TMEM132D: variants seen among roughly 807,000 people sequenced by gnomAD.
TMEM132D encodes transmembrane protein 132D.
TMEM132D carries 21 observed loss-of-function variants against 62.3 expected under a neutral mutation model. That is an observed-to-expected ratio of 0.34 (90% CI 0.24 to 0.49). The LOEUF (loss-of-function observed/expected upper bound fraction) is 0.49. Ranked by LOEUF, TMEM132D falls within the 20% of genes least tolerant of loss-of-function variation. The pLI, the probability that TMEM132D is intolerant of heterozygous loss-of-function variation, is 0.99. For synonymous variants in TMEM132D, 621 were observed against 575.6 expected (o/e 1.08, Z -1.13); for missense variants, 1,346 against 1,402.8 (o/e 0.96, Z 0.65).
intron 1 of TMEM132D, among the ~76,000 whole-genome samples, chr12:129,837,848 T>C (rs1202157121): frequency 2.0e-5 from 3 of 152,120 alleles, no homozygotes; most frequent in African/African-American, 7.2e-5. Flanking sequence ...CACCTGCAAA[T>C]GAAAAAGTCA....
At chr12:129,234,525 A>C (rs571978036) in intron 4 of TMEM132D, among the ~76,000 whole-genome samples, 4 of 152,202 alleles carry the variant, frequency 2.6e-5, no homozygotes, top group Non-Finnish European at 5.9e-5. Context: ...TGAAAAAGCT[A>C]CGTTTCTCCA....
chr12:129,265,969 C>T (rs1054840270), intron 4 of TMEM132D, among the ~76,000 whole-genome samples: 1 of 152,140 alleles, frequency 6.6e-6, no homozygotes, highest in Non-Finnish European at 1.5e-5. Context: ...TTGTCTGTTA[C>T]ATTTACTGCC....
At chr12:129,795,083 T>G (rs908353909) in intron 1 of TMEM132D, among the ~76,000 whole-genome samples, 1 of 152,220 alleles carries the variant, frequency 6.6e-6, no homozygotes, top group African/African-American at 2.4e-5. Flanking sequence ...GACTATTTCA[T>G]AGTGTTCTTC....
intron 5 of TMEM132D, among the ~76,000 whole-genome samples, chr12:129,117,673 A>C (rs1875936317): frequency 6.6e-6 from 1 of 152,160 alleles, no homozygotes; most frequent in Non-Finnish European, 1.5e-5. Flanking sequence ...CTAACTCAAA[A>C]AGACCATTTG....
chr12:129,485,238 A>C (rs1172337234), intron 3 of TMEM132D, among the ~76,000 whole-genome samples: 2 of 152,156 alleles, frequency 1.3e-5, no homozygotes, highest in African/African-American at 4.8e-5. Flanking sequence ...TACCTCAGAC[A>C]ACCCAACAGG....
chr12:129,295,562 C>A (rs999025552), intron 4 of TMEM132D, among the ~76,000 whole-genome samples: 15 of 151,234 alleles, frequency 9.9e-5, no homozygotes, highest in African/African-American at 3.6e-4. Flanking sequence ...TCCCAAGTAG[C>A]TGAGTTTACA....
intron 2 of TMEM132D, among the ~76,000 whole-genome samples, chr12:129,593,584 T>C (rs2137136899): frequency 6.6e-6 from 1 of 152,304 alleles, no homozygotes; most frequent in East Asian, 1.9e-4. Flanking sequence ...AGAAAATTCT[T>C]GATGACAAAC....
chr12:129,174,149 T>C (rs1877829979), intron 5 of TMEM132D, among the ~76,000 whole-genome samples: 2 of 152,202 alleles, frequency 1.3e-5, no homozygotes, highest in Non-Finnish European at 2.9e-5. Context: ...GTGCAGAACA[T>C]GCAGGTTTGT....
intron 4 of TMEM132D, among the ~76,000 whole-genome samples, chr12:129,263,613 C>G (rs1293081187): frequency 6.6e-6 from 1 of 151,866 alleles, no homozygotes. Context: ...TAAATCGCAT[C>G]TTGAAGGATG....
chr12:129,777,123 G>C (rs1870965021), intron 1 of TMEM132D, among the ~76,000 whole-genome samples: 2 of 152,216 alleles, frequency 1.3e-5, no homozygotes, highest in Non-Finnish European at 2.9e-5. Context: ...AGTGCCACTT[G>C]TGATGTTTGT....
At chr12:129,084,371 G>T in intron 6 of TMEM132D, 126 bp downstream of exon 6, 1 of 944,856 alleles carries the variant, frequency 1.1e-6, no homozygotes, top group Non-Finnish European at 1.5e-6. Context: ...GCAAATCCAA[G>T]CTGAGCGGTG....
chr12:129,473,324 GTTTTTT>G (rs751523415), intron 3 of TMEM132D, among the ~76,000 whole-genome samples: 1 of 81,550 alleles, frequency 1.2e-5, no homozygotes, highest in Non-Finnish European at 2.2e-5. Flanking sequence ...TTTAGTTTTT[GTTTTTT>G]TTTTTTTTTT....
Position 129,651,047 on chromosome 12 carries a change from T to C in TMEM132D, c.968+48763A>G, listed in dbSNP as rs146136900. Reference sequence around the variant, plus strand: ...ATAAGCATCTGACTGTGGTGTTCCTTATCTATTTATCAATCCCGGGTAATG... The same window carrying C: ...ATAAGCATCTGACTGTGGTGTTCCTCATCTATTTATCAATCCCGGGTAATG... On this transcript the variant is annotated intron_variant, in intron 2 of 8. Coordinates refer to ENST00000422113, the MANE Select transcript of TMEM132D (RefSeq NM_133448.3). Among the ~76,000 whole-genome samples the C allele has an allele frequency of 4.7e-3, 711 of 152,334 alleles. 4 individuals carry two copies. The highest frequency in any genetic ancestry group is 0.016 in the African/African-American group (675 of 41,572).
At chr12:129,708,636 C>A (rs80061106) in intron 1 of TMEM132D, among the ~76,000 whole-genome samples, 41,912 of 80,718 alleles carry the variant, frequency 0.52, 11,505 homozygotes, top group East Asian at 0.58. Context: ...AAAAAACACA[C>A]ACACACACAC....
intron 4 of TMEM132D, among the ~76,000 whole-genome samples, chr12:129,298,550 A>G (rs987506576): frequency 1.3e-5 from 2 of 152,202 alleles, no homozygotes; most frequent in Non-Finnish European, 2.9e-5. Context: ...GTAAAACACC[A>G]GAACTGCTTC....
chr12:129,076,787 G>A (rs12372807), intron 8 of TMEM132D, among the ~76,000 whole-genome samples: 12,743 of 152,224 alleles, frequency 0.084, 677 homozygotes, highest in South Asian at 0.12. Flanking sequence ...TCAGGGTAGC[G>A]TGTTTAGCTC....
intron 4 of TMEM132D, among the ~76,000 whole-genome samples, chr12:129,324,891 G>A (rs1868851609): frequency 6.6e-6 from 1 of 152,170 alleles, no homozygotes; most frequent in Non-Finnish European, 1.5e-5. Context: ...CCCCAAACAT[G>A]TCTTCTTTGT....
intron 5 of TMEM132D, among the ~76,000 whole-genome samples, chr12:129,158,492 G>A (rs1011069070): frequency 1.9e-4 from 29 of 152,246 alleles, no homozygotes; most frequent in African/African-American, 6.8e-4. Flanking sequence ...CATAAAAGTG[G>A]TTTGGAATTT....
At chr12:129,174,800 G>T (rs1388139410) in intron 5 of TMEM132D, among the ~76,000 whole-genome samples, 2 of 152,158 alleles carry the variant, frequency 1.3e-5, no homozygotes, top group Non-Finnish European at 2.9e-5. Flanking sequence ...ATCCATTGTG[G>T]TTTTGAATTG....
Sources: gnomAD v4.1 joint callset for allele counts (sites outside exome capture counted in the v4.1 genomes callset) on GRCh38, gnomAD v4.1.1 for gene constraint, MANE v1.5 for transcripts, NCBI Gene and HGNC (gene_info 2026-07-23, HGNC 2026-07-21) for gene names.